The following TENT5C variants were observed in gnomAD, a reference collection of about 807,000 sequenced individuals.
TENT5C encodes the protein terminal nucleotidyltransferase 5C.
Under a neutral mutation model 22.2 loss-of-function variants are expected in TENT5C, and 5 were observed. That is an observed-to-expected ratio of 0.22 (90% CI 0.12 to 0.47). The LOEUF is 0.47. Ranked by LOEUF, TENT5C falls within the 20% of genes least tolerant of loss-of-function variation. The pLI, the probability that TENT5C is intolerant of heterozygous loss-of-function variation, is 0.99. For missense variants in TENT5C, 364 were observed against 500.9 expected (o/e 0.73, Z 2.61); for synonymous variants, 199 against 195.4 (o/e 1.02, Z -0.15).
chr1:117,606,456 T>C (rs140757985), intron 1 of TENT5C, among the ~76,000 whole-genome samples: 15 of 152,286 alleles, frequency 9.8e-5, no homozygotes, highest in African/African-American at 3.6e-4. Context: ...TCCAGCGAGT[T>C]CCTGCTCCGC....
intron 1 of TENT5C, among the ~76,000 whole-genome samples, chr1:117,617,254 G>A (rs750348358): frequency 2.0e-5 from 3 of 151,706 alleles, no homozygotes; most frequent in African/African-American, 4.8e-5. Context: ...ACCAATCTGC[G>A]TTGAGCAGCT....
rs535359888 is a variant in TENT5C, at chr1:117,626,301, C to A, written c.*2257C>A. On this transcript the variant is annotated 3_prime_UTR_variant, in exon 2 of 2. Coordinates refer to ENST00000369448, the MANE Select transcript of TENT5C (RefSeq NM_017709.4). The stretch of plus-strand genomic sequence containing the variant: ...CTTTCTGCTTATGTTTTTTCCCCCC[C>A]ATCTGGTAATAGTCCTCTTCTGAGA... 1.8e-3 allele frequency: 444 copies of A among 247,858 alleles called. 2 individuals are homozygous for A. In the Middle Eastern group the frequency reaches 0.032, roughly 18 times the overall value. 15.4% of individuals were successfully genotyped at this position (247,858 alleles called of 1,614,324 possible).
At chr1:117,621,276 C>T (rs1363167652) in intron 1 of TENT5C, among the ~76,000 whole-genome samples, 2 of 152,204 alleles carry the variant, frequency 1.3e-5, no homozygotes, top group Non-Finnish European at 2.9e-5. Context: ...CTCTCGGCCC[C>T]AACCAACAGC....
At chr1:117,613,592 T>C (rs1230468608) in intron 1 of TENT5C, among the ~76,000 whole-genome samples, 3 of 152,216 alleles carry the variant, frequency 2.0e-5, no homozygotes, top group Admixed American at 6.5e-5. Context: ...TGAGAATTCA[T>C]GGAGGCCCCT....
chr1:117,609,816 G>A (rs1558004702), intron 1 of TENT5C, among the ~76,000 whole-genome samples: 2 of 152,162 alleles, frequency 1.3e-5, no homozygotes, highest in African/African-American at 2.4e-5. Context: ...ATACATGTTC[G>A]GTTGGCGGCT....
intron 1 of TENT5C, among the ~76,000 whole-genome samples, chr1:117,607,270 T>A (rs529478797): frequency 1.3e-5 from 2 of 152,318 alleles, no homozygotes; most frequent in South Asian, 4.1e-4. Context: ...GTCAGCTCCC[T>A]TCCCCTTCGC....
chr1:117,622,706 T>C (rs844108), intron 1 of TENT5C, 136 bp from the exon 2 acceptor site: 155,774 of 637,276 alleles, frequency 0.24, 19,617 homozygotes, highest in Admixed American at 0.33. Context: ...TGAGTCCTCA[T>C]GGCAACACTG....
intron 1 of TENT5C, among the ~76,000 whole-genome samples, chr1:117,608,029 A>G (rs1316851049): frequency 6.6e-6 from 1 of 151,918 alleles, no homozygotes; most frequent in Non-Finnish European, 1.5e-5. Flanking sequence ...TATATTGTAT[A>G]TAATTGTTCA....
At position 117,625,380 on chromosome 1, in the gene TENT5C, T is replaced by C. The variant is rs1291100069; in HGVS notation, c.*1336T>C. ...TCCTTATTCTGGTAGATTTGACTTG[T>C]TTATAATTCTGCACTTTAGAAGAAA... is the stretch of plus-strand genomic sequence containing the variant. On this transcript the variant is annotated 3_prime_UTR_variant, in exon 2 of 2. Transcript: ENST00000369448. The C allele has an allele frequency of 4.0e-6, 1 of 248,052 alleles. No homozygotes were observed. The highest frequency in any genetic ancestry group is 2.2e-5 in the African/African-American group (1 of 45,346). The allele number at this position is 248,052 out of a possible 1,614,324, so 15.4% of individuals were successfully genotyped here.
In TENT5C at chr1:117,623,301, G is replaced by T; in HGVS notation, c.433G>T (p.Val145Phe). The T allele has an allele frequency of 1.2e-6, 2 of 1,614,184 alleles. No homozygotes were observed. Among genetic ancestry groups the T allele is most frequent in the Non-Finnish European group, 1.7e-6 (2 of 1,180,036 alleles). ...GGCATATGTGCAGAAGCTAGTGAAG[G>T]TTTGCACGGACACTGACCGCTGGAG... is the stretch of plus-strand genomic sequence containing the variant. ...KEAYVQKLVK[V>F]CTDTDRWSLI... The change falls in exon 2 of 2, where the codon GTT (valine) becomes TTT (phenylalanine). Residue 145 changes from valine to phenylalanine, a missense_variant. This residue lies in a region of TENT5C where 303 missense variants were observed against 394.5 expected (regional missense o/e 0.77). Coordinates refer to ENST00000369448, the MANE Select transcript of TENT5C (RefSeq NM_017709.4).
At position 117,625,780 on chromosome 1, in the gene TENT5C, C is replaced by T. The variant is rs988471075; in HGVS notation, c.*1736C>T. 2.0e-5 allele frequency: 5 copies of T among 247,814 alleles called. No homozygotes were observed. The highest frequency in any genetic ancestry group is 4.2e-5 in the Non-Finnish European group (5 of 118,054). 15.4% of individuals were successfully genotyped at this position (247,814 alleles called of 1,614,324 possible). A position where few individuals can be genotyped will look rare whatever the true frequency, so the allele number is the denominator to read the frequency against. On this transcript the variant is annotated 3_prime_UTR_variant, in exon 2 of 2. Coordinates refer to ENST00000369448, the MANE Select transcript of TENT5C (RefSeq NM_017709.4). ...TCAAGTTTATTCTGGAATGTGATGT[C>T]TTGGTCCTCTTAAAAGCAGATCAGC...
intron 1 of TENT5C, among the ~76,000 whole-genome samples, chr1:117,606,592 A>G (rs1653540836): frequency 1.3e-5 from 2 of 152,138 alleles, no homozygotes; most frequent in African/African-American, 2.4e-5. Context: ...CCTGGCTTGC[A>G]GTCCCTCGGG....
intron 1 of TENT5C, among the ~76,000 whole-genome samples, chr1:117,615,068 C>T (rs372986758): frequency 6.6e-6 from 1 of 152,234 alleles, no homozygotes; most frequent in African/African-American, 2.4e-5. Context: ...TCTATGCTGA[C>T]AGTTGTTAGA....
At chr1:117,617,723 C>T (rs1026252822) in intron 1 of TENT5C, among the ~76,000 whole-genome samples, 12 of 152,146 alleles carry the variant, frequency 7.9e-5, no homozygotes, top group African/African-American at 1.7e-4. Flanking sequence ...GTGTGTTCCA[C>T]GTGATTCTTT....
intron 1 of TENT5C, among the ~76,000 whole-genome samples, chr1:117,622,316 CGTGTGTGTGTGTGTGTGTGTGTGTGTGT>C (rs3050944): frequency 6.7e-6 from 1 of 149,438 alleles, no homozygotes; most frequent in Non-Finnish European, 1.5e-5. Flanking sequence ...TGAAGGAAGT[CGTGTGTGTGTGTGTGTGTGTGTGTGTGT>C]GTGTGTGTCT....
At chr1:117,622,765 T>C in intron 1 of TENT5C, 77 bp from the exon 2 acceptor site, 1 of 951,548 alleles carries the variant, frequency 1.1e-6, no homozygotes, top group South Asian at 1.6e-5. Flanking sequence ...GTTCAGAGAT[T>C]AAACAGTGTG....
intron 1 of TENT5C, among the ~76,000 whole-genome samples, chr1:117,610,843 T>C (rs1274502747): frequency 2.0e-5 from 3 of 152,206 alleles, no homozygotes; most frequent in African/African-American, 7.2e-5. Flanking sequence ...TTCTTACAGT[T>C]CTTCCTTCTA....
intron 1 of TENT5C, among the ~76,000 whole-genome samples, chr1:117,615,742 T>C (rs1217208334): frequency 6.6e-6 from 1 of 152,230 alleles, no homozygotes; most frequent in Non-Finnish European, 1.5e-5. Flanking sequence ...TATGGCAATA[T>C]ATTGTCTTCC....
chr1:117,624,094 T>G lies in TENT5C; in HGVS notation c.*50T>G. On this transcript the variant is annotated 3_prime_UTR_variant, in exon 2 of 2. Coordinates refer to ENST00000369448, the MANE Select transcript of TENT5C (RefSeq NM_017709.4). ...GTGGGAACCCCAATAGGGCTAGGGC[T>G]CTCAGGTAGGGGAGCCTCCTTCTAG... 1 of 1,492,092 alleles carries G rather than the reference T, an allele frequency of 6.7e-7. No individual in the cohort carries two copies. The allele number at this position is 1,492,092 out of a possible 1,614,324, so 92.4% of individuals were successfully genotyped here.
Sources: allele counts gnomAD v4.1 joint callset (sites outside exome capture counted in the v4.1 genomes callset), GRCh38; gene constraint gnomAD v4.1.1; regional missense constraint gnomAD v4.1.1; transcripts MANE v1.5; gene names NCBI Gene and HGNC (gene_info 2026-07-23, HGNC 2026-07-21).